Variants in TSC22D1 observed in about 807,000 individuals in gnomAD.
The protein encoded by TSC22D1 is TSC22 domain family member 1, also known as TSC22 domain family protein 1.
A neutral mutation model predicts 74.2 loss-of-function variants in TSC22D1; 9 were observed. That is an observed-to-expected ratio of 0.12 (90% CI 0.07 to 0.21). The LOEUF is 0.21. Among genes scored for constraint, TSC22D1 ranks in the 10% least tolerant of loss-of-function variants. The probability of loss-of-function intolerance (pLI) is 1.00; values close to 1 mark genes in which losing one functional copy is unlikely to be tolerated. For synonymous variants in TSC22D1, 586 were observed against 492.5 expected (o/e 1.19, Z -2.51); for missense variants, 1,427 against 1,304.7 (o/e 1.09, Z -1.44).
intron 1 of TSC22D1, among the ~76,000 whole-genome samples, chr13:44,480,409 T>C (rs1272275391): frequency 6.6e-6 from 1 of 150,824 alleles, no homozygotes; most frequent in Non-Finnish European, 1.5e-5. Context: ...CTATAAAAAT[T>C]GTAGGTGCCT....
intron 1 of TSC22D1, among the ~76,000 whole-genome samples, chr13:44,547,619 T>C (rs2138129346): frequency 6.6e-6 from 1 of 152,338 alleles, no homozygotes; most frequent in Admixed American, 6.5e-5. Context: ...TAGAGTTTAG[T>C]GCCATAAATA....
chr13:44,552,450 GTTCT>G (rs3046885), intron 1 of TSC22D1, among the ~76,000 whole-genome samples: 1,527 of 152,250 alleles, frequency 0.01, 8 homozygotes, highest in Non-Finnish European at 0.016. Flanking sequence ...AAGTTAACTA[GTTCT>G]TTCTAACTTA....
intron 1 of TSC22D1, among the ~76,000 whole-genome samples, chr13:44,458,558 C>T (rs1352061587): frequency 6.6e-6 from 1 of 152,080 alleles, no homozygotes; most frequent in African/African-American, 2.4e-5. Context: ...ACCAAGTTAG[C>T]AGGACAGAAG....
chr13:44,449,014 A>T (rs1439577388), intron 1 of TSC22D1, among the ~76,000 whole-genome samples: 25 of 152,170 alleles, frequency 1.6e-4, no homozygotes, highest in African/African-American at 6.0e-4. Flanking sequence ...CACCCATTTT[A>T]CAGATTAAGA....
intron 1 of TSC22D1, among the ~76,000 whole-genome samples, chr13:44,563,078 T>C (rs1346856921): frequency 6.6e-6 from 1 of 150,916 alleles, no homozygotes; most frequent in African/African-American, 2.4e-5. Flanking sequence ...CACTCCAGCC[T>C]GGGCAACGAG....
intron 1 of TSC22D1, among the ~76,000 whole-genome samples, chr13:44,474,567 A>G (rs915419244): frequency 3.9e-5 from 6 of 152,194 alleles, no homozygotes; most frequent in African/African-American, 1.4e-4. Context: ...TCTTGATCCC[A>G]AAATCAGGAA....
chr13:44,545,908 C>CATGAGATGGAATCCCATCTCAA, intron 1 of TSC22D1, among the ~76,000 whole-genome samples: 2 of 151,562 alleles, frequency 1.3e-5, no homozygotes, highest in African/African-American at 4.8e-5. Context: ...ATCCAGCAGG[C>CATGAGATGGAATCCCATCTCAA]AAAGGTTGCA....
intron 1 of TSC22D1, among the ~76,000 whole-genome samples, chr13:44,556,121 T>C (rs1045869803): frequency 2.0e-5 from 3 of 152,096 alleles, no homozygotes; most frequent in African/African-American, 2.4e-5. Context: ...ATCTTTACTA[T>C]TGTTAACTAT....
intron 1 of TSC22D1, among the ~76,000 whole-genome samples, chr13:44,493,879 T>C (rs1429517518): frequency 6.6e-6 from 1 of 152,098 alleles, no homozygotes; most frequent in Admixed American, 6.6e-5. Flanking sequence ...AACCACAAGC[T>C]AACAAACAGA....
chr13:44,474,265 T>G, intron 1 of TSC22D1: 1 of 985,428 alleles, frequency 1.0e-6, no homozygotes. Flanking sequence ...CTACAGACTA[T>G]GGTGGCTTTC....
chr13:44,444,347 T>TAAAAAAAA (rs1875467919), intron 1 of TSC22D1, among the ~76,000 whole-genome samples: 1 of 129,336 alleles, frequency 7.7e-6, no homozygotes, highest in African/African-American at 2.9e-5. Flanking sequence ...ATAATGACAT[T>TAAAAAAAA]AAATATAAAT....
Position 44,575,133 on chromosome 13 carries a change from A to G in TSC22D1, c.942T>C (p.Asn314=), listed in dbSNP as rs1487684389. Residue 314 remains asparagine (N), a synonymous_variant, in exon 1 of 3, where the codon AAT becomes AAC. Coordinates refer to ENST00000458659, the MANE Select transcript of TSC22D1 (RefSeq NM_183422.4). ...TACCCACAGCAGTAATGTTAACATTATTTACTGTACTAGTGCCAGTAACAG... is the reference window on the plus strand; with the variant it reads ...TACCCACAGCAGTAATGTTAACATTGTTTACTGTACTAGTGCCAGTAACAG... ...INSVTGTSTV[N]NVNITAVGSF... 1 of 1,614,212 alleles carries G rather than the reference A, an allele frequency of 6.2e-7. No individual in the cohort carries two copies. Among genetic ancestry groups the G allele is most frequent in the South Asian group, 1.1e-5 (1 of 91,084 alleles).
At chr13:44,440,608 A>G (rs968877366) in intron 1 of TSC22D1, among the ~76,000 whole-genome samples, 1 of 151,640 alleles carries the variant, frequency 6.6e-6, no homozygotes, top group Non-Finnish European at 1.5e-5. Context: ...AAAAAAAAAA[A>G]AAGAATCGGA....
rs113339034 is a variant in TSC22D1, at chr13:44,536,708, A to G, written c.2912+36455T>C. Reference sequence around the variant, plus strand: ...TAGCATTAAAAGACTTGGTCAAATTACTCTTGATATTTACAGTATTAACTC... The same window carrying G: ...TAGCATTAAAAGACTTGGTCAAATTGCTCTTGATATTTACAGTATTAACTC... On this transcript the variant is annotated intron_variant, in intron 1 of 2. Transcript: ENST00000458659. The G allele has an allele frequency of 4.1e-4, 402 of 974,758 alleles. 3 individuals carry two copies. The African/African-American group carries it at 6.4e-3, about 15-fold the overall frequency. 60.4% of individuals were successfully genotyped at this position (974,758 alleles called of 1,614,324 possible).
intron 1 of TSC22D1, among the ~76,000 whole-genome samples, chr13:44,479,763 A>G (rs1878093124): frequency 6.6e-6 from 1 of 152,224 alleles, no homozygotes; most frequent in African/African-American, 2.4e-5. Context: ...CAGAAGGTTA[A>G]AACAAGATTA....
chr13:44,441,339 T>G (rs1875183315), intron 1 of TSC22D1, among the ~76,000 whole-genome samples: 1 of 152,182 alleles, frequency 6.6e-6, no homozygotes, highest in Admixed American at 6.5e-5. Context: ...GTATGATAGA[T>G]CTAATGGAAC....
At chr13:44,457,443 A>C (rs1168185044) in intron 1 of TSC22D1, among the ~76,000 whole-genome samples, 1 of 152,184 alleles carries the variant, frequency 6.6e-6, no homozygotes, top group African/African-American at 2.4e-5. Flanking sequence ...GAAATGAGAG[A>C]ATATGTGATG....
chr13:44,493,404 C>A (rs981753247), intron 1 of TSC22D1, among the ~76,000 whole-genome samples: 1 of 152,176 alleles, frequency 6.6e-6, no homozygotes, highest in African/African-American at 2.4e-5. Flanking sequence ...TCAAGACTTT[C>A]TCAAGGCAGA....
Position 44,434,409 on chromosome 13 carries a change from C to T in TSC22D1, c.*217G>A. On this transcript the variant is annotated 3_prime_UTR_variant, in exon 3 of 3. Transcript: ENST00000458659. ...AGGTCCCGGTATATCCATGCTAATT[C>T]TCGGATTAACCTTTAATTCACCCAA... 7.4e-7 allele frequency: 1 copy of T among 1,359,422 alleles called. No homozygotes were observed. Among genetic ancestry groups the T allele is most frequent in the Non-Finnish European group, 9.4e-7 (1 of 1,064,558 alleles). 84.2% of individuals were successfully genotyped at this position (1,359,422 alleles called of 1,614,324 possible).
Sources: allele counts gnomAD v4.1 joint callset (sites outside exome capture counted in the v4.1 genomes callset), GRCh38; gene constraint gnomAD v4.1.1; transcripts MANE v1.5; gene names NCBI Gene and HGNC (gene_info 2026-07-23, HGNC 2026-07-21).